Variants in DHRS3 observed in about 807,000 individuals in gnomAD.
DHRS3 encodes dehydrogenase/reductase 3.
A neutral mutation model predicts 27.2 loss-of-function variants in DHRS3; 14 were observed. The observed-to-expected ratio is 0.52, with a 90% CI of 0.34 to 0.81. The LOEUF is 0.81. Ranked by LOEUF, DHRS3 falls within the 30% of genes least tolerant of loss-of-function variation. DHRS3 has a pLI of 0.01. For synonymous variants in DHRS3, 165 were observed against 175.9 expected, an observed-to-expected ratio of 0.94 and a Z score of 0.49; for missense variants, 322 against 406.2, an observed-to-expected ratio of 0.79 and a Z score of 1.78.
chr1:12,582,151 C>T lies in DHRS3; in HGVS notation c.196-1485G>A, dbSNP rs774231822. On this transcript the variant is annotated intron_variant, in intron 1 of 5. Coordinates refer to ENST00000616661, the MANE Select transcript of DHRS3 (RefSeq NM_004753.7). Reference sequence around the variant, plus strand: ...GATTTCTCTATTTTGCTTTGTTACACGGTATAGAGAAAAGTCACATTGATA... The same window carrying T: ...GATTTCTCTATTTTGCTTTGTTACATGGTATAGAGAAAAGTCACATTGATA... Among the ~76,000 whole-genome samples the T allele has an allele frequency of 3.9e-5, 6 of 152,246 alleles. No individual in the cohort carries two copies. In the South Asian group the frequency reaches 8.3e-4, roughly 21 times the overall value.
intron 1 of DHRS3, among the ~76,000 whole-genome samples, chr1:12,612,029 C>G (rs536923103): frequency 6.6e-6 from 1 of 152,156 alleles, no homozygotes; most frequent in Non-Finnish European, 1.5e-5. Flanking sequence ...GAGGTAGACA[C>G]CTTTGTTCCC....
chr1:12,574,569 G>C lies in DHRS3; in HGVS notation c.699-1716C>G, dbSNP rs1646568910. On this transcript the variant is annotated intron_variant, in intron 4 of 5. Coordinates refer to ENST00000616661, the MANE Select transcript of DHRS3 (RefSeq NM_004753.7). The surrounding 1 kb of genome is among the most constrained non-coding windows in gnomAD (Gnocchi z 4.6). ...GTGTTGAGGCAGCTCACTGATACTG[G>C]AGTCCTACAGGTGTCGTGGGCGGTC... is the stretch of plus-strand genomic sequence containing the variant. Among the ~76,000 whole-genome samples, 1 of 152,198 alleles carries C rather than the reference G, an allele frequency of 6.6e-6. No homozygotes were observed. The highest frequency in any genetic ancestry group is 2.4e-5 in the African/African-American group (1 of 41,442).
chr1:12,571,988 CA>C (rs1334731665), intron 5 of DHRS3, among the ~76,000 whole-genome samples: 1 of 151,774 alleles, frequency 6.6e-6, no homozygotes, highest in Non-Finnish European at 1.5e-5. Context: ...TCAATTAAGC[CA>C]AACAAAGAGA....
In DHRS3 at chr1:12,591,820, T is replaced by C. The variant is rs1646749235; in HGVS notation, c.196-11154A>G. Among the ~76,000 whole-genome samples the C allele has an allele frequency of 6.6e-6, 1 of 152,222 alleles. No homozygotes were observed. Among genetic ancestry groups the C allele is most frequent in the Admixed American group, 6.5e-5 (1 of 15,284 alleles). On this transcript the variant is annotated intron_variant, in intron 1 of 5. Transcript: ENST00000616661. The surrounding 1 kb of genome is among the most constrained non-coding windows in gnomAD (Gnocchi z 4.1). The stretch of plus-strand genomic sequence containing the variant: ...CCCACGAAACAACATATTCATTCAG[T>C]GCACAGGTACAGTGAGCTGATGCCA...
chr1:12,587,812 A>T (rs930394323), intron 1 of DHRS3, among the ~76,000 whole-genome samples: 1 of 152,254 alleles, frequency 6.6e-6, no homozygotes, highest in Admixed American at 6.5e-5. Context: ...GATTCTTTAC[A>T]CACAGGTAAT....
rs1292128845 is a variant in DHRS3, at chr1:12,574,867, T to TAG, written c.699-2015_699-2014insCT. Among the ~76,000 whole-genome samples the TAG allele has an allele frequency of 3.9e-5, 6 of 152,344 alleles. No individual in the cohort carries two copies. Among genetic ancestry groups the TAG allele is most frequent in the Non-Finnish European group, 7.4e-5 (5 of 68,024 alleles). On this transcript the variant is annotated intron_variant, in intron 4 of 5. Transcript: ENST00000616661. The surrounding 1 kb of genome is among the most constrained non-coding windows in gnomAD (Gnocchi z 4.6). ...AAGAAGCATGCTTAGCTAGCCAGTT[T>TAG]CAAGCTATGTGGACTTGGGCAGGTA...
rs1646498078 is a variant in DHRS3, at chr1:12,567,920, C to T, written c.*420G>A. 2 of 164,308 alleles carry T rather than the reference C, an allele frequency of 1.2e-5. No individual in the cohort carries two copies. The highest frequency in any genetic ancestry group is 2.7e-5 in the Non-Finnish European group (2 of 75,190). 10.2% of individuals were successfully genotyped at this position (164,308 alleles called of 1,614,324 possible). On this transcript the variant is annotated 3_prime_UTR_variant, in exon 6 of 6. Coordinates refer to ENST00000616661, the MANE Select transcript of DHRS3 (RefSeq NM_004753.7). ...TTTGAACAAAGGAAATCACAAAAGC[C>T]ATCTCTCTTTATTTTTCATTCCTGC... is the stretch of plus-strand genomic sequence containing the variant.
chr1:12,608,596 C>T lies in DHRS3; in HGVS notation c.195+8558G>A, dbSNP rs1023234977. ...CTGCCCCTGCCTGTGTCATTGCCCT[C>T]ACTGACTTCATGACAATGACTCACA... On this transcript the variant is annotated intron_variant, in intron 1 of 5. Transcript: ENST00000616661. The surrounding 1 kb of genome is among the most constrained non-coding windows in gnomAD (Gnocchi z 4.1). 6.6e-6 allele frequency among the ~76,000 whole-genome samples: 1 copy of T among 152,192 alleles called. No homozygotes were observed. Among genetic ancestry groups the T allele is most frequent in the African/African-American group, 2.4e-5 (1 of 41,434 alleles).
chr1:12,604,428 G>A (rs932691972), intron 1 of DHRS3, among the ~76,000 whole-genome samples: 1 of 152,114 alleles, frequency 6.6e-6, no homozygotes, highest in Non-Finnish European at 1.5e-5. Context: ...TATTCCTTTG[G>A]CAAGTCTCCC....
At chr1:12,590,520 A>G (rs1028983785) in intron 1 of DHRS3, among the ~76,000 whole-genome samples, 1 of 151,976 alleles carries the variant, frequency 6.6e-6, no homozygotes, top group Non-Finnish European at 1.5e-5. Flanking sequence ...ATGTTGGCCA[A>G]GCTGGTCTCG....
rs1167796410 is a variant in DHRS3 at position 12,592,678 on chromosome 1, G to T, written c.196-12012C>A. ...TGGGCCACACAGCTGGTGGTCATTTGTTGTGCCATTGACAGGAAACTAACA... is the reference window on the plus strand; with the variant it reads ...TGGGCCACACAGCTGGTGGTCATTTTTTGTGCCATTGACAGGAAACTAACA... On this transcript the variant is annotated intron_variant, in intron 1 of 5. Coordinates refer to ENST00000616661, the MANE Select transcript of DHRS3 (RefSeq NM_004753.7). This position sits in a 1 kb window ranked among gnomAD's most constrained non-coding sequence, Gnocchi z 4.2. 6.6e-6 allele frequency among the ~76,000 whole-genome samples: 1 copy of T among 152,164 alleles called. No individual in the cohort carries two copies. The highest frequency in any genetic ancestry group is 1.5e-5 in the Non-Finnish European group (1 of 68,020).
chr1:12,606,494 T>C (rs987548867), intron 1 of DHRS3, among the ~76,000 whole-genome samples: 1 of 152,014 alleles, frequency 6.6e-6, no homozygotes, highest in African/African-American at 2.4e-5. Flanking sequence ...TTATTTTATT[T>C]ATTTATTTTT....
intron 1 of DHRS3, chr1:12,616,807 G>A: frequency 4.4e-6 from 5 of 1,135,304 alleles, no homozygotes; most frequent in Non-Finnish European, 5.5e-6. Flanking sequence ...CCAGGGTGGC[G>A]GCAAGAAAAA....
chr1:12,598,765 C>A (rs779889867), intron 1 of DHRS3, among the ~76,000 whole-genome samples: 1 of 152,174 alleles, frequency 6.6e-6, no homozygotes, highest in Admixed American at 6.5e-5. Context: ...AACTCGGCTT[C>A]TTTTTAGAGA....
At chr1:12,603,654 C>T (rs138487722) in intron 1 of DHRS3, among the ~76,000 whole-genome samples, 4 of 152,234 alleles carry the variant, frequency 2.6e-5, no homozygotes, top group East Asian at 1.9e-4. Context: ...GGAGGTGGGA[C>T]GCAGACAGGA....
chr1:12,616,826 G>T, intron 1 of DHRS3: 1 of 1,071,598 alleles, frequency 9.3e-7, no homozygotes, highest in Non-Finnish European at 1.2e-6. Context: ...AAGGGGGGAA[G>T]GCGGGGGAGG....
At chr1:12,601,809 T>C (rs1346396859) in intron 1 of DHRS3, among the ~76,000 whole-genome samples, 1 of 152,150 alleles carries the variant, frequency 6.6e-6, no homozygotes, top group Non-Finnish European at 1.5e-5. Flanking sequence ...GTCCTGTTGG[T>C]AAGAAGAAGA....
chr1:12,569,182 A>C, intron 5 of DHRS3, among the ~76,000 whole-genome samples: 1 of 139,896 alleles, frequency 7.1e-6, no homozygotes, highest in Admixed American at 7.4e-5. Context: ...GCGCCGTTGC[A>C]CTCCAGCCTG....
At chr1:12,597,493 C>T (rs1350650128) in intron 1 of DHRS3, among the ~76,000 whole-genome samples, 3 of 152,248 alleles carry the variant, frequency 2.0e-5, no homozygotes, top group Non-Finnish European at 4.4e-5. Flanking sequence ...CCTTCTGCCT[C>T]ACATCCCTCT....
Sources: gnomAD v4.1 joint callset for allele counts (sites outside exome capture counted in the v4.1 genomes callset) on GRCh38, gnomAD v4.1.1 for gene constraint, Gnocchi (gnomAD v3.1) non-coding constraint, MANE v1.5 for transcripts, NCBI Gene and HGNC (gene_info 2026-07-23, HGNC 2026-07-21) for gene names.